ZNF524: variants seen among roughly 807,000 people sequenced by gnomAD.
ZNF524 encodes the protein zinc finger protein 524.
For missense variants in ZNF524, 388 were observed against 380.1 expected, an observed-to-expected ratio of 1.02 and a Z score of -0.17; for synonymous variants, 194 against 166.3, an observed-to-expected ratio of 1.17 and a Z score of -1.28.
intron 1 of ZNF524, chr19:55,601,134 C>G (rs772886223): frequency 3.3e-5 from 5 of 152,232 alleles, no homozygotes; most frequent in Admixed American, 3.3e-4. Flanking sequence ...ACTGAGCCCT[C>G]GTAATGTCCC....
In ZNF524 at chr19:55,602,848, C is replaced by T. The variant is rs575513293; in HGVS notation, c.736C>T (p.Pro246Ser). ...SEPPWDEEGI[P>S]ATAGAEEEEE... is the part of the protein sequence containing the mutation. ...ACCGCCGTGGGACGAGGAGGGCATCCCGGCCACAGCAGGGGCCGAGGAGGA... is the reference window on the plus strand; with the variant it reads ...ACCGCCGTGGGACGAGGAGGGCATCTCGGCCACAGCAGGGGCCGAGGAGGA... Residue 246 changes from proline to serine, a missense_variant, in exon 2 of 2, where the codon CCG becomes TCG. Pro to Ser is a moderately conservative substitution (Grantham distance 74). Transcript: ENST00000301073. The T allele has an allele frequency of 8.2e-5, 132 of 1,607,544 alleles. No homozygotes were observed. The highest frequency in any genetic ancestry group is 3.6e-4 in the Admixed American group (21 of 58,886).
At chr19:55,601,302 A>G (rs766407963) in intron 1 of ZNF524, 18 of 152,352 alleles carry the variant, frequency 1.2e-4, no homozygotes, top group Non-Finnish European at 2.1e-4. Context: ...TGGGACAGAT[A>G]TGCCCTATTC....
Position 55,602,292 on chromosome 19 carries a change from A to G in ZNF524, c.180A>G (p.Ser60=). The change falls in exon 2 of 2, where the codon TCA becomes TCG. Residue 60 remains serine (S), a synonymous_variant. Coordinates refer to ENST00000301073, the MANE Select transcript of ZNF524 (RefSeq NM_153219.4). ...LPRKRGRPPK[S]GQEPPLVQVQ... is the part of the protein sequence containing the mutation. ...GCAAGCGGGGCCGCCCCCCCAAGTC[A>G]GGGCAGGAGCCCCCACTGGTGCAGG... is the stretch of plus-strand genomic sequence containing the variant. The G allele has an allele frequency of 6.3e-7, 1 of 1,585,394 alleles. No homozygotes were observed. Among genetic ancestry groups the G allele is most frequent in the Non-Finnish European group, 8.6e-7 (1 of 1,166,038 alleles).
chr19:55,600,804 A>C (rs1980638440), intron 1 of ZNF524: 1 of 143,490 alleles, frequency 7.0e-6, no homozygotes, highest in Non-Finnish European at 1.5e-5. Flanking sequence ...TCTGGACAGC[A>C]GTCTATGTGG....
In ZNF524 at chr19:55,602,682, C is replaced by G. The variant is rs1156765864; in HGVS notation, c.570C>G (p.Arg190=). ...CGGGCGAGCTGGCGCACCACCACCG[C>G]GTGCACTCGGGGGAGCGCCCGTACC... ...REAGELAHHH[R]VHSGERPYQC... Residue 190 remains arginine (R), a synonymous_variant, in exon 2 of 2, where the codon CGC becomes CGG. Transcript: ENST00000301073. 6.3e-7 allele frequency: 1 copy of G among 1,599,396 alleles called. No individual in the cohort carries two copies. The highest frequency in any genetic ancestry group is 1.1e-5 in the South Asian group (1 of 90,632).
chr19:55,602,668 G>A lies in ZNF524; in HGVS notation c.556G>A (p.Ala186Thr), dbSNP rs954925074. The change falls in exon 2 of 2, where the codon GCG (alanine) becomes ACG (threonine). Residue 186 changes from alanine to threonine, a missense_variant. Ala to Thr is a moderately conservative substitution (Grantham distance 58). Transcript: ENST00000301073. ...PRRFREAGEL[A>T]HHHRVHSGER... ...CCGCTTCCGCGAGGCGGGCGAGCTGGCGCACCACCACCGCGTGCACTCGGG... is the reference window on the plus strand; with the variant it reads ...CCGCTTCCGCGAGGCGGGCGAGCTGACGCACCACCACCGCGTGCACTCGGG... 1.1e-5 allele frequency: 18 copies of A among 1,596,268 alleles called. No individual in the cohort carries two copies. Among genetic ancestry groups the A allele is most frequent in the Non-Finnish European group, 1.5e-5 (18 of 1,176,898 alleles).
In ZNF524 at chr19:55,602,378, A is replaced by G. The variant is rs780385215; in HGVS notation, c.266A>G (p.Asp89Gly). 6.4e-7 allele frequency: 1 copy of G among 1,568,518 alleles called. No homozygotes were observed. ...SGGSDLLLID[D>G]QGVPYTVSEG... ...GGGAGCGACCTCCTCCTGATCGATG[A>G]TCAGGGTGTGCCCTATACGGTCTCT... The change falls in exon 2 of 2, where the codon GAT becomes GGT. Residue 89 changes from aspartate (D) to glycine (G), a missense_variant. Transcript: ENST00000301073.
At chr19:55,600,903 C>T (rs575041116) in intron 1 of ZNF524, 2 of 152,430 alleles carry the variant, frequency 1.3e-5, no homozygotes, top group African/African-American at 4.8e-5. Context: ...CCGTTACACC[C>T]CAATCCCATG....
chr19:55,602,154 CG>C lies in ZNF524; in HGVS notation c.46del (p.Glu16ArgfsTer57). ...SPDPLPSPLP[G>X]EEEKPLALSP... ...CAGACCCGTTGCCTTCGCCTTTGCC[CG>C]GGGAGGAAGAGAAACCTCTGGCCTT... On this transcript the variant is annotated frameshift_variant, in exon 2 of 2. Transcript: ENST00000301073. LOFTEE classifies it low-confidence loss of function (END_TRUNC). 1 of 1,572,378 alleles carries C rather than the reference CG, an allele frequency of 6.4e-7. No individual in the cohort carries two copies. Among genetic ancestry groups the C allele is most frequent in the Non-Finnish European group, 8.6e-7 (1 of 1,157,724 alleles).
At position 55,602,399 on chromosome 19, in the gene ZNF524, T is replaced by C. The variant is rs1166020987; in HGVS notation, c.287T>C (p.Val96Ala). Reference protein sequence around the residue: ...LIDDQGVPYTVSEGSAAGPEG... With the variant: ...LIDDQGVPYTASEGSAAGPEG... ...GATGATCAGGGTGTGCCCTATACGGTCTCTGAAGGTTCAGCGGCTGGGCCT... is the reference window on the plus strand; with the variant it reads ...GATGATCAGGGTGTGCCCTATACGGCCTCTGAAGGTTCAGCGGCTGGGCCT... Residue 96 changes from valine (V) to alanine (A), a missense_variant, in exon 2 of 2, where the codon GTC (valine) becomes GCC (alanine). Transcript: ENST00000301073. The C allele has an allele frequency of 1.3e-6, 2 of 1,582,118 alleles. No individual in the cohort carries two copies. The highest frequency in any genetic ancestry group is 8.6e-7 in the Non-Finnish European group (1 of 1,165,688).
In ZNF524 at chr19:55,602,630, C is replaced by T. The variant is rs778949477; in HGVS notation, c.518C>T (p.Pro173Leu). The T allele has an allele frequency of 6.3e-7, 1 of 1,581,088 alleles. No individual in the cohort carries two copies. The highest frequency in any genetic ancestry group is 1.3e-5 in the African/African-American group (1 of 74,564). ...IHAGLRPFRCPLCPRRFREAG... is the reference protein window; with the variant it reads ...IHAGLRPFRCLLCPRRFREAG... ...GCCGGCCTGCGGCCCTTCCGCTGCC[C>T]GCTGTGCCCCCGCCGCTTCCGCGAG... Residue 173 changes from proline to leucine, a missense_variant, in exon 2 of 2, where the codon CCG (proline) becomes CTG (leucine). Coordinates refer to ENST00000301073, the MANE Select transcript of ZNF524 (RefSeq NM_153219.4).
At chr19:55,601,053 A>G (rs1386852088) in intron 1 of ZNF524, 1 of 152,246 alleles carries the variant, frequency 6.6e-6, no homozygotes, top group African/African-American at 2.4e-5. Context: ...ACCCTGGTTT[A>G]TTCACTTTTC....
In ZNF524 at chr19:55,602,634, G is replaced by C; in HGVS notation, c.522G>C (p.Leu174=). The C allele has an allele frequency of 6.3e-7, 1 of 1,581,664 alleles. No individual in the cohort carries two copies. Among genetic ancestry groups the C allele is most frequent in the East Asian group, 2.3e-5 (1 of 43,638 alleles). ...GCCTGCGGCCCTTCCGCTGCCCGCT[G>C]TGCCCCCGCCGCTTCCGCGAGGCGG... ...HAGLRPFRCP[L]CPRRFREAGE... Residue 174 remains leucine, a synonymous_variant, in exon 2 of 2, where the codon CTG becomes CTC. Coordinates refer to ENST00000301073, the MANE Select transcript of ZNF524 (RefSeq NM_153219.4).
intron 1 of ZNF524, chr19:55,601,775 G>GT (rs5828634): frequency 0.84 from 153,479 of 183,208 alleles, 64,461 homozygotes; most frequent in South Asian, 0.91. Flanking sequence ...TCTCTGGAAG[G>GT]TTTTTTTTTG....
chr19:55,602,421 G>A lies in ZNF524; in HGVS notation c.309G>A (p.Gly103=). The A allele has an allele frequency of 6.3e-7, 1 of 1,591,492 alleles. No individual in the cohort carries two copies. The highest frequency in any genetic ancestry group is 8.5e-7 in the Non-Finnish European group (1 of 1,171,684). The change falls in exon 2 of 2, where the codon GGG becomes GGA. Residue 103 remains glycine, a synonymous_variant. Coordinates refer to ENST00000301073, the MANE Select transcript of ZNF524 (RefSeq NM_153219.4). ...PYTVSEGSAA[G]PEGSGPRKAP... is the part of the protein sequence containing the mutation. ...CGGTCTCTGAAGGTTCAGCGGCTGG[G>A]CCTGAGGGCTCTGGCCCCAGGAAGG... is the stretch of plus-strand genomic sequence containing the variant.
At chr19:55,600,115 C>T (rs947614006), upstream of ZNF524, 1 of 152,248 alleles carries the variant, frequency 6.6e-6, no homozygotes, top group African/African-American at 2.4e-5. Context: ...TTATTTCCCA[C>T]TGGGGACACA....
rs2045661310 is a variant in ZNF524, at chr19:55,602,126, G to T, written c.14G>T (p.Ser5Ile). Residue 5 changes from serine (S) to isoleucine (I), a missense_variant, in exon 2 of 2, where the codon AGC becomes ATC. By Grantham distance (142) the Ser-to-Ile change is moderately radical (BLOSUM62 -2). Transcript: ENST00000301073. MDTPSPDPLPSPLPG... is the reference protein window; with the variant it reads MDTPIPDPLPSPLPG... ...CCCCACTGCTCAATGGACACCCCCA[G>T]CCCAGACCCGTTGCCTTCGCCTTTG... 1 of 1,547,392 alleles carries T rather than the reference G, an allele frequency of 6.5e-7. No homozygotes were observed. Among genetic ancestry groups the T allele is most frequent in the African/African-American group, 1.4e-5 (1 of 72,942 alleles).
rs1043172431 is a variant in ZNF524, at chr19:55,602,397, G to T, written c.285G>T (p.Thr95=). ...TCGATGATCAGGGTGTGCCCTATAC[G>T]GTCTCTGAAGGTTCAGCGGCTGGGC... The part of the protein sequence containing the change: ...LLIDDQGVPY[T]VSEGSAAGPE... The change falls in exon 2 of 2, where the codon ACG becomes ACT. Residue 95 remains threonine, a synonymous_variant. Coordinates refer to ENST00000301073, the MANE Select transcript of ZNF524 (RefSeq NM_153219.4). The T allele has an allele frequency of 6.3e-7, 1 of 1,580,402 alleles. No homozygotes were observed. The highest frequency in any genetic ancestry group is 1.8e-5 in the Admixed American group (1 of 55,344).
upstream of ZNF524, chr19:55,599,600 C>T (rs906303821): frequency 6.6e-6 from 1 of 152,458 alleles, no homozygotes; most frequent in Admixed American, 6.5e-5. Flanking sequence ...CTCTTGGCTC[C>T]CCTTCCTCAT....
Sources: gnomAD v4.1 joint callset for allele counts on GRCh38, gnomAD v4.1.1 for gene constraint, MANE v1.5 for transcripts, NCBI Gene and HGNC (gene_info 2026-07-23, HGNC 2026-07-21) for gene names.